USP54: variants seen among roughly 807,000 people sequenced by gnomAD.
USP54 encodes ubiquitin carboxyl-terminal hydrolase 54.
Under a neutral mutation model 170.5 loss-of-function variants are expected in USP54, and 87 were observed. The ratio of observed to expected loss-of-function variants is 0.51; its 90% CI spans 0.43 to 0.61. The LOEUF (loss-of-function observed/expected upper bound fraction) is 0.61. Among genes scored for constraint, USP54 ranks in the 20% least tolerant of loss-of-function variants. USP54 has a pLI of 0.00. For missense variants in USP54, 1,786 were observed against 2,047.8 expected (o/e 0.87, Z 2.47); for synonymous variants, 655 against 742.8 (o/e 0.88, Z 1.92).
chr10:73,527,150 G>A (rs2063023041), intron 15 of USP54, among the ~76,000 whole-genome samples: 2 of 152,134 alleles, frequency 1.3e-5, no homozygotes, highest in Admixed American at 6.6e-5. Flanking sequence ...ATGAACATGT[G>A]GTTATCACCT....
At chr10:73,520,655 A>C (rs2061748660) in intron 18 of USP54, among the ~76,000 whole-genome samples, 1 of 152,234 alleles carries the variant, frequency 6.6e-6, no homozygotes, top group Non-Finnish European at 1.5e-5. Context: ...TGAAATAAGA[A>C]GGTAGGCATG....
Position 73,500,794 on chromosome 10 carries a change from A to G in USP54, c.4356T>C (p.Cys1452=), listed in dbSNP as rs1276076079. 1 of 1,600,630 alleles carries G rather than the reference A, an allele frequency of 6.2e-7. No homozygotes were observed. The highest frequency in any genetic ancestry group is 1.8e-5 in the Admixed American group (1 of 56,242). Reference sequence around the variant, plus strand: ...TGACAGGGAGGGAAGAGGAGCTGGAACAACGGTGCCCGGTTTCCAAAGGCT... The same window carrying G: ...TGACAGGGAGGGAAGAGGAGCTGGAGCAACGGTGCCCGGTTTCCAAAGGCT... ...VRKPLETGHR[C]SSSSSLPVIH... Residue 1452 remains cysteine, a synonymous_variant, in exon 23 of 24, where the codon TGT becomes TGC. Coordinates refer to ENST00000687698, the MANE Select transcript of USP54 (RefSeq NM_001391956.1).
chr10:73,530,934 G>A, intron 12 of USP54, 99 bp from the exon 13 acceptor site: 1 of 1,521,894 alleles, frequency 6.6e-7, no homozygotes, highest in Non-Finnish European at 8.9e-7. Context: ...CACAAATTTA[G>A]AGTACCCATG....
chr10:73,599,164 T>A (rs2078975384), intron 1 of USP54, among the ~76,000 whole-genome samples: 1 of 152,198 alleles, frequency 6.6e-6, no homozygotes, highest in Admixed American at 6.5e-5. Flanking sequence ...AAAATCAAGA[T>A]GATCAGTGGA....
At chr10:73,525,359 C>T (rs777596028) in intron 16 of USP54, among the ~76,000 whole-genome samples, 13 of 152,080 alleles carry the variant, frequency 8.5e-5, no homozygotes, top group Non-Finnish European at 1.5e-4. Flanking sequence ...CAAATTGTGG[C>T]GCATAAATAG....
At chr10:73,546,419 G>C (rs1406755082) in intron 4 of USP54, 1 of 151,946 alleles carries the variant, frequency 6.6e-6, no homozygotes, top group Non-Finnish European at 1.5e-5. Context: ...TGGCATGAAC[G>C]TGGCTCACTG....
chr10:73,585,890 G>A (rs111655488), intron 1 of USP54, among the ~76,000 whole-genome samples: 5,348 of 152,118 alleles, frequency 0.035, 154 homozygotes, highest in South Asian at 0.11. Flanking sequence ...GCGTGGTGGC[G>A]CGTGCCTGTA....
chr10:73,541,344 A>T (rs2066562782), intron 9 of USP54, 31 bp downstream of exon 9: 1 of 1,613,300 alleles, frequency 6.2e-7, no homozygotes, highest in East Asian at 2.2e-5. Flanking sequence ...GCAAGAACTC[A>T]AAGTGAGAGA....
intron 4 of USP54, among the ~76,000 whole-genome samples, chr10:73,559,167 T>C (rs1195001737): frequency 6.6e-6 from 1 of 152,158 alleles, no homozygotes; most frequent in Non-Finnish European, 1.5e-5. Context: ...ATGCCTATAA[T>C]CCCAGCACCT....
chr10:73,547,015 A>G (rs1450246017), intron 4 of USP54, among the ~76,000 whole-genome samples: 1 of 152,120 alleles, frequency 6.6e-6, no homozygotes, highest in Non-Finnish European at 1.5e-5. Context: ...TATTCTCCCA[A>G]TCTACTGACC....
chr10:73,500,776 G>A lies in USP54; in HGVS notation c.4374C>T (p.Leu1458=). The change falls in exon 23 of 24, where the codon CTC becomes CTT. Residue 1458 remains leucine (L), a synonymous_variant. Coordinates refer to ENST00000687698, the MANE Select transcript of USP54 (RefSeq NM_001391956.1). ...ACACAGAAGGGTCATGGATGACAGGGAGGGAAGAGGAGCTGGAACAACGGT... is the reference window on the plus strand; with the variant it reads ...ACACAGAAGGGTCATGGATGACAGGAAGGGAAGAGGAGCTGGAACAACGGT... ...TGHRCSSSSS[L]PVIHDPSVFL... The A allele has an allele frequency of 6.2e-7, 1 of 1,601,442 alleles. No individual in the cohort carries two copies.
intron 1 of USP54, among the ~76,000 whole-genome samples, chr10:73,585,830 G>A (rs1196250095): frequency 6.6e-6 from 1 of 152,076 alleles, no homozygotes; most frequent in Admixed American, 6.6e-5. Context: ...AGATCATCCT[G>A]GCCAACATGG....
chr10:73,558,217 C>CA (rs1171554592), intron 4 of USP54, among the ~76,000 whole-genome samples: 2 of 151,998 alleles, frequency 1.3e-5, no homozygotes, highest in African/African-American at 2.4e-5. Flanking sequence ...CATCATGGTT[C>CA]AAAGTAAGCA....
At chr10:73,604,861 T>C (rs1473908658) in intron 1 of USP54, among the ~76,000 whole-genome samples, 1 of 152,110 alleles carries the variant, frequency 6.6e-6, no homozygotes, top group East Asian at 1.9e-4. Context: ...CAAGATTTAT[T>C]TTGAAGAGCA....
chr10:73,548,880 A>T (rs114036273), intron 4 of USP54, among the ~76,000 whole-genome samples: 7,806 of 152,280 alleles, frequency 0.051, 618 homozygotes, highest in African/African-American at 0.17. Context: ...TAATTTTATT[A>T]AAAAAGTAAT....
intron 23 of USP54, chr10:73,499,514 C>T (rs963570525): frequency 4.5e-6 from 1 of 220,590 alleles, no homozygotes; most frequent in South Asian, 8.7e-5. Flanking sequence ...ATATGGCAAA[C>T]GTATACTCCC....
intron 1 of USP54, among the ~76,000 whole-genome samples, chr10:73,621,213 C>T (rs1055405565): frequency 3.4e-5 from 5 of 149,076 alleles, no homozygotes; most frequent in Admixed American, 1.3e-4. Context: ...GAAAACCGTA[C>T]TTTGGACTTT....
chr10:73,504,525 T>G, intron 22 of USP54: 3 of 267,562 alleles, frequency 1.1e-5, no homozygotes, highest in South Asian at 8.1e-5. Flanking sequence ...TCTTTCCTTC[T>G]TTCTTTGATT....
chr10:73,603,040 A>G (rs184050122), intron 1 of USP54, among the ~76,000 whole-genome samples: 1 of 152,224 alleles, frequency 6.6e-6, no homozygotes, highest in Admixed American at 6.5e-5. Flanking sequence ...GAAAGAACTC[A>G]TCCCACCCTA....
Sources: gnomAD v4.1 joint callset for allele counts (sites outside exome capture counted in the v4.1 genomes callset) on GRCh38, gnomAD v4.1.1 for gene constraint, MANE v1.5 for transcripts, NCBI Gene and HGNC (gene_info 2026-07-23, HGNC 2026-07-21) for gene names.